Variants in ASIC2 observed in about 807,000 individuals in gnomAD.
ASIC2 encodes acid sensing ion channel subunit 2, also known as acid-sensing ion channel 2.
In ASIC2, 25 loss-of-function variants were observed where a neutral mutation model predicts 57.3. The observed-to-expected ratio is 0.44, with a 90% CI of 0.32 to 0.61. The LOEUF is 0.61. Ranked by LOEUF, ASIC2 falls within the 20% of genes least tolerant of loss-of-function variation. The probability of loss-of-function intolerance (pLI) is 0.06; values close to 1 mark genes in which losing one functional copy is unlikely to be tolerated. For synonymous variants in ASIC2, 319 were observed against 307.5 expected, an observed-to-expected ratio of 1.04 and a Z score of -0.39; for missense variants, 641 against 738.1, an observed-to-expected ratio of 0.87 and a Z score of 1.52.
intron 1 of ASIC2, among the ~76,000 whole-genome samples, chr17:33,870,154 A>T (rs947119221): frequency 2.0e-5 from 3 of 151,674 alleles, no homozygotes; most frequent in Non-Finnish European, 4.4e-5. Flanking sequence ...GATGCTTCAG[A>T]TAAAAAATTC....
intron 1 of ASIC2, among the ~76,000 whole-genome samples, chr17:33,934,799 C>G (rs1916022888): frequency 6.6e-6 from 1 of 152,206 alleles, no homozygotes; most frequent in South Asian, 2.1e-4. Context: ...TACATGCAAA[C>G]AGAGTCACTT....
At chr17:33,906,632 C>T (rs979076715) in intron 1 of ASIC2, among the ~76,000 whole-genome samples, 19 of 152,210 alleles carry the variant, frequency 1.2e-4, no homozygotes, top group Non-Finnish European at 1.0e-4. Context: ...GTTAACAAAA[C>T]GATACATCAC....
intron 1 of ASIC2, among the ~76,000 whole-genome samples, chr17:34,154,145 G>C (rs1904627301): frequency 6.6e-6 from 1 of 152,198 alleles, no homozygotes; most frequent in South Asian, 2.1e-4. Flanking sequence ...TTCCATGTGT[G>C]TTCAGGCAGA....
chr17:33,672,474 A>G lies in ASIC2; in HGVS notation c.555+483504T>C, dbSNP rs1409325712. 2.0e-5 allele frequency among the ~76,000 whole-genome samples: 3 copies of G among 151,926 alleles called. No homozygotes were observed. In the East Asian group the frequency reaches 5.8e-4, roughly 29 times the overall value. ...TTAAAAAAAAATACATCACCCAAAC[A>G]TGTCTGAGATTTTTTGCAAGGCTTG... On this transcript the variant is annotated intron_variant, in intron 1 of 9. Coordinates refer to the ASIC2 transcript ENST00000359872.
intron 1 of ASIC2, among the ~76,000 whole-genome samples, chr17:34,082,675 C>G (rs559353629): frequency 2.0e-5 from 3 of 152,234 alleles, no homozygotes; most frequent in Non-Finnish European, 2.9e-5. Flanking sequence ...TGAACACTTG[C>G]TATGTGCTAG....
chr17:33,156,490 G>T (rs1567766497), intron 1 of ASIC2, among the ~76,000 whole-genome samples: 1 of 152,074 alleles, frequency 6.6e-6, no homozygotes, highest in Non-Finnish European at 1.5e-5. Context: ...CGGTGTGGTG[G>T]CTCACACCTG....
At chr17:33,682,775 A>C (rs1329466065) in intron 1 of ASIC2, among the ~76,000 whole-genome samples, 1 of 152,200 alleles carries the variant, frequency 6.6e-6, no homozygotes, top group East Asian at 1.9e-4. Context: ...GCCAACTTCC[A>C]GCCTCTCCAG....
intron 1 of ASIC2, among the ~76,000 whole-genome samples, chr17:33,567,244 G>A (rs1916263039): frequency 6.6e-6 from 1 of 152,136 alleles, no homozygotes; most frequent in East Asian, 1.9e-4. Context: ...AGGTCTGAGA[G>A]AAGACCTTCA....
chr17:33,222,942 C>G (rs1267382850), intron 1 of ASIC2, among the ~76,000 whole-genome samples: 1 of 152,032 alleles, frequency 6.6e-6, no homozygotes, highest in Non-Finnish European at 1.5e-5. Context: ...CAATTCTAAC[C>G]AGAAGCCCAG....
intron 1 of ASIC2, among the ~76,000 whole-genome samples, chr17:33,264,327 C>T (rs149792564): frequency 9.1e-4 from 138 of 152,348 alleles, no homozygotes; most frequent in Middle Eastern, 3.4e-3. Flanking sequence ...TCACTATGTG[C>T]ATGGCATGAC....
At chr17:33,575,956 A>C (rs1054080531) in intron 1 of ASIC2, among the ~76,000 whole-genome samples, 1 of 152,210 alleles carries the variant, frequency 6.6e-6, no homozygotes, top group Non-Finnish European at 1.5e-5. Flanking sequence ...ACATGAAAAT[A>C]AAAGCCGATT....
At chr17:33,781,113 G>C (rs1911439797) in intron 1 of ASIC2, among the ~76,000 whole-genome samples, 1 of 152,154 alleles carries the variant, frequency 6.6e-6, no homozygotes, top group Non-Finnish European at 1.5e-5. Context: ...GGAGGGGGAT[G>C]GGGGTGGTTC....
chr17:33,691,134 A>G (rs1908354892), intron 1 of ASIC2, among the ~76,000 whole-genome samples: 1 of 152,178 alleles, frequency 6.6e-6, no homozygotes. Context: ...ACTAATGGAT[A>G]TTTATATTAC....
intron 1 of ASIC2, among the ~76,000 whole-genome samples, chr17:33,729,269 G>C (rs2142089574): frequency 6.6e-6 from 1 of 152,248 alleles, no homozygotes; most frequent in African/African-American, 2.4e-5. Context: ...AGAGCAGGAA[G>C]GTGCCACACT....
intron 1 of ASIC2, among the ~76,000 whole-genome samples, chr17:33,331,740 T>A (rs942487701): frequency 1.3e-5 from 2 of 152,246 alleles, no homozygotes; most frequent in Admixed American, 6.5e-5. Context: ...TATTTCTACA[T>A]GGATAATATC....
intron 1 of ASIC2, among the ~76,000 whole-genome samples, chr17:33,328,146 A>T (rs199833566): frequency 1.6e-4 from 2 of 12,662 alleles, no homozygotes; most frequent in Admixed American, 1.1e-3. Flanking sequence ...ATTTTGTTAC[A>T]GCAGCTCTAC....
chr17:33,769,914 C>T lies in ASIC2; in HGVS notation c.555+386064G>A, dbSNP rs536336818. ...CTCCTCTCTTATGAGGACTCTAGTCCCATCAGGAGGGTTCCATCCTCATGA... is the reference window on the plus strand; with the variant it reads ...CTCCTCTCTTATGAGGACTCTAGTCTCATCAGGAGGGTTCCATCCTCATGA... On this transcript the variant is annotated intron_variant, in intron 1 of 9. Transcript: ENST00000359872. Among the ~76,000 whole-genome samples, 5 of 152,300 alleles carry T rather than the reference C, an allele frequency of 3.3e-5. No homozygotes were observed. In the South Asian group the frequency reaches 1.0e-3, roughly 32 times the overall value.
chr17:33,925,090 G>A (rs545639513), intron 1 of ASIC2, among the ~76,000 whole-genome samples: 20 of 152,360 alleles, frequency 1.3e-4, no homozygotes, highest in South Asian at 4.1e-4. Flanking sequence ...CCACCATGCT[G>A]CAGGGTTGAT....
chr17:33,219,625 A>C (rs1907621439), intron 1 of ASIC2, among the ~76,000 whole-genome samples: 1 of 152,120 alleles, frequency 6.6e-6, no homozygotes, highest in South Asian at 2.1e-4. Flanking sequence ...TGCATTTCCC[A>C]AACTGTGTCC....
Sources: gnomAD v4.1 joint callset for allele counts (sites outside exome capture counted in the v4.1 genomes callset) on GRCh38, gnomAD v4.1.1 for gene constraint, MANE v1.5 for transcripts, NCBI Gene and HGNC (gene_info 2026-07-23, HGNC 2026-07-21) for gene names.